The following SGCD variants were observed in gnomAD, a reference collection of about 807,000 sequenced individuals.
The protein encoded by SGCD is delta-sarcoglycan.
Under a neutral mutation model 36.6 loss-of-function variants are expected in SGCD, and 18 were observed. That is an observed-to-expected ratio of 0.49 (90% CI 0.34 to 0.73). The LOEUF is 0.73. SGCD is among the 30% of genes least tolerant of loss of function. The pLI is 0.01. For synonymous variants in SGCD, 133 were observed against 130.6 expected, an observed-to-expected ratio of 1.02 and a Z score of -0.12; for missense variants, 387 against 346.7, an observed-to-expected ratio of 1.12 and a Z score of -0.92.
At chr5:155,745,429 G>C in the SGCD span, among the ~76,000 whole-genome samples, 136 of 152,180 alleles carry the variant, frequency 8.9e-4, 1 homozygote, top group African/African-American at 3.2e-3. Context: ...CTGGCCATTT[G>C]TCTTCTGTCT....
intron 7 of SGCD, among the ~76,000 whole-genome samples, chr5:156,747,532 G>C (rs1257802348): frequency 6.6e-6 from 1 of 152,104 alleles, no homozygotes; most frequent in Non-Finnish European, 1.5e-5. Flanking sequence ...CTGTTGGACT[G>C]AACACCTTAG....
At chr5:155,789,276 G>T in the SGCD span, among the ~76,000 whole-genome samples, 2 of 151,934 alleles carry the variant, frequency 1.3e-5, no homozygotes, top group African/African-American at 4.8e-5. Context: ...TATCAGGCAT[G>T]TTCACAATAT....
chr5:156,515,852 T>C lies in SGCD; in HGVS notation c.294+7150T>C, dbSNP rs188729752. On this transcript the variant is annotated intron_variant, in intron 4 of 8. Coordinates refer to ENST00000337851, the MANE Select transcript of SGCD (RefSeq NM_000337.6). The stretch of plus-strand genomic sequence containing the variant: ...CCCTGCTGGTGCCCTGGAGACTAGG[T>C]GGTTTGGATGGGAAAGAAGTCCCCA... Among the ~76,000 whole-genome samples, 141 of 152,278 alleles carry C rather than the reference T, an allele frequency of 9.3e-4. 1 individual carries two copies. In the Middle Eastern group the frequency reaches 0.017, roughly 18 times the overall value.
chr5:156,005,234 C>T (rs1040724359), intron 1 of SGCD, among the ~76,000 whole-genome samples: 10 of 152,122 alleles, frequency 6.6e-5, no homozygotes, highest in Admixed American at 3.9e-4. Flanking sequence ...TTGGCAGCTA[C>T]GTTCAGCCAC....
chr5:156,374,624 A>C (rs1488715442), intron 3 of SGCD, among the ~76,000 whole-genome samples: 1 of 152,006 alleles, frequency 6.6e-6, no homozygotes, highest in Non-Finnish European at 1.5e-5. Flanking sequence ...TTGGAGCAGA[A>C]GCTTCCTGCA....
At chr5:156,330,336 G>T (rs1457109540) in intron 2 of SGCD, among the ~76,000 whole-genome samples, 1 of 152,152 alleles carries the variant, frequency 6.6e-6, no homozygotes, top group Non-Finnish European at 1.5e-5. Flanking sequence ...GGTACTGGGG[G>T]CAGAAGTGGG....
At chr5:155,972,276 G>A (rs1486131284) in intron 1 of SGCD, among the ~76,000 whole-genome samples, 1 of 152,112 alleles carries the variant, frequency 6.6e-6, no homozygotes, top group Non-Finnish European at 1.5e-5. Flanking sequence ...AAGACAAGCA[G>A]CATTAACAGA....
chr5:156,249,546 T>G (rs1033597397), intron 3 of SGCD, among the ~76,000 whole-genome samples: 2 of 152,178 alleles, frequency 1.3e-5, no homozygotes, highest in African/African-American at 4.8e-5. Context: ...GACAAACAAA[T>G]GATAGAAGGC....
At chr5:155,939,613 C>T (rs1342995927) in intron 1 of SGCD, among the ~76,000 whole-genome samples, 1 of 144,938 alleles carries the variant, frequency 6.9e-6, no homozygotes, top group Non-Finnish European at 1.5e-5. Context: ...CCACTGCACT[C>T]CAGCCTGGGT....
the SGCD span, among the ~76,000 whole-genome samples, chr5:155,864,453 G>A: frequency 6.6e-6 from 1 of 152,020 alleles, no homozygotes; most frequent in Non-Finnish European, 1.5e-5. Flanking sequence ...TAGGATATAG[G>A]TGAAATAATC....
At chr5:156,261,058 C>T (rs551555242) in intron 3 of SGCD, among the ~76,000 whole-genome samples, 122 of 152,042 alleles carry the variant, frequency 8.0e-4, no homozygotes, top group African/African-American at 2.7e-3. Flanking sequence ...ACTAGTTTAC[C>T]TTTACAAATA....
At chr5:156,628,723 TCTA>T (rs1437498333) in intron 6 of SGCD, among the ~76,000 whole-genome samples, 1 of 152,230 alleles carries the variant, frequency 6.6e-6, no homozygotes, top group Non-Finnish European at 1.5e-5. Context: ...TTTACAGTTG[TCTA>T]CTCAATAAAG....
chr5:156,575,369 G>A (rs1461737824), intron 4 of SGCD, among the ~76,000 whole-genome samples: 1 of 152,130 alleles, frequency 6.6e-6, no homozygotes, highest in Non-Finnish European at 1.5e-5. Context: ...AACCAGTGCT[G>A]AAGTCTTTTC....
chr5:156,419,284 G>C (rs1333132159), intron 3 of SGCD, among the ~76,000 whole-genome samples: 1 of 152,118 alleles, frequency 6.6e-6, no homozygotes, highest in Non-Finnish European at 1.5e-5. Flanking sequence ...CAAAAGAATG[G>C]GAGTGTTTCA....
the SGCD span, among the ~76,000 whole-genome samples, chr5:155,753,334 T>TCAAAAAAAAAAAAAAA: frequency 5.9e-4 from 80 of 135,894 alleles, 10 homozygotes; most frequent in African/African-American, 2.6e-3. Context: ...AGACTTTGTC[T>TCAAAAAAAAAAAAAAA]AAAAAAAAAA....
the SGCD span, among the ~76,000 whole-genome samples, chr5:155,843,404 T>TCACACA: frequency 4.0e-5 from 6 of 150,264 alleles, no homozygotes; most frequent in African/African-American, 1.2e-4. Flanking sequence ...TCACTTATGC[T>TCACACA]CACACACACA....
the SGCD span, among the ~76,000 whole-genome samples, chr5:155,784,888 A>T: frequency 6.6e-6 from 1 of 152,018 alleles, no homozygotes; most frequent in African/African-American, 2.4e-5. Flanking sequence ...TTAATTTATG[A>T]GGATTCTCTT....
chr5:156,331,768 C>T (rs898740749), intron 2 of SGCD, among the ~76,000 whole-genome samples: 6 of 152,148 alleles, frequency 3.9e-5, no homozygotes, highest in African/African-American at 1.2e-4. Flanking sequence ...TCTCTCCGAA[C>T]GAATCATTCG....
chr5:155,743,706 A>ATCCC, the SGCD span, among the ~76,000 whole-genome samples: 4 of 152,242 alleles, frequency 2.6e-5, no homozygotes, highest in African/African-American at 9.6e-5. Context: ...GAAAATCTCC[A>ATCCC]TCCCTCTATG....
Sources: gnomAD v4.1 joint callset for allele counts (sites outside exome capture counted in the v4.1 genomes callset) on GRCh38, gnomAD v4.1.1 for gene constraint, MANE v1.5 for transcripts, NCBI Gene and HGNC (gene_info 2026-07-23, HGNC 2026-07-21) for gene names.